IGSF9B: variants seen among roughly 807,000 people sequenced by gnomAD.
The protein encoded by IGSF9B is immunoglobulin superfamily member 9B.
A neutral mutation model predicts 143.7 loss-of-function variants in IGSF9B; 48 were observed. The observed-to-expected ratio is 0.33, with a 90% CI of 0.26 to 0.42. The LOEUF (loss-of-function observed/expected upper bound fraction) is 0.42, where lower values mean the gene tolerates loss of function less well. Ranked by LOEUF, IGSF9B falls within the 20% of genes least tolerant of loss-of-function variation. The pLI, the probability that IGSF9B is intolerant of heterozygous loss-of-function variation, is 1.00. For synonymous variants in IGSF9B, 903 were observed against 833.1 expected (o/e 1.08, Z -1.44); for missense variants, 1,706 against 1,980.0 (o/e 0.86, Z 2.63).
chr11:133,915,508 A>T (rs2121276699), intron 18 of IGSF9B, among the ~76,000 whole-genome samples: 1 of 152,058 alleles, frequency 6.6e-6, no homozygotes, highest in East Asian at 1.9e-4. Flanking sequence ...TGGACTCAAG[A>T]GATCTGCCCT....
At position 133,925,977 on chromosome 11, in the gene IGSF9B, G is replaced by A. The variant is rs752936786; in HGVS notation, c.1808-12C>T. 8 of 1,558,356 alleles carry A rather than the reference G, an allele frequency of 5.1e-6. No individual in the cohort carries two copies. The highest frequency in any genetic ancestry group is 1.9e-5 in the Admixed American group (1 of 53,510). ...TGTAATAGGGAATGCTGCGGCGGGG[G>A]AAGGAGAAGAACCACAGCGCATCAG... On this transcript the variant is annotated splice_polypyrimidine_tract_variant and intron_variant, in intron 13 of 19. Coordinates refer to ENST00000533871, the MANE Select transcript of IGSF9B (RefSeq NM_001277285.4).
chr11:133,932,312 C>A, intron 7 of IGSF9B, 99 bp from the exon 8 acceptor site: 1 of 1,262,520 alleles, frequency 7.9e-7, no homozygotes, highest in Non-Finnish European at 1.1e-6. Context: ...CAGACAGACA[C>A]AGGGAAGCCA....
chr11:133,930,519 C>T (rs191993248), intron 11 of IGSF9B, among the ~76,000 whole-genome samples: 2 of 152,304 alleles, frequency 1.3e-5, no homozygotes, highest in East Asian at 1.9e-4. Flanking sequence ...TTCGGGCAAT[C>T]GGAAACGGGA....
chr11:133,925,880 G>A lies in IGSF9B; in HGVS notation c.1893C>T (p.Leu631=), dbSNP rs748439330. Residue 631 remains leucine, a synonymous_variant, in exon 14 of 20, where the codon CTC becomes CTT. Coordinates refer to ENST00000533871, the MANE Select transcript of IGSF9B (RefSeq NM_001277285.4). ...LIANRTQQGV[L]LSWLPPANHS... is the part of the protein sequence containing the mutation. Reference sequence around the variant, plus strand: ...GGTTGGCAGGCGGAAGCCAGGACAGGAGCACACCCTGCTGAGTCCGATTGG... The same window carrying A: ...GGTTGGCAGGCGGAAGCCAGGACAGAAGCACACCCTGCTGAGTCCGATTGG... The A allele has an allele frequency of 1.2e-6, 2 of 1,613,166 alleles. No individual in the cohort carries two copies. The highest frequency in any genetic ancestry group is 2.7e-5 in the African/African-American group (2 of 74,938).
Position 133,919,743 on chromosome 11 carries a change from C to G in IGSF9B, c.3982G>C (p.Gly1328Arg). Residue 1328 changes from glycine to arginine, a missense_variant and splice_region_variant, in exon 18 of 20, where the codon GGA (glycine) becomes CGA (arginine). Coordinates refer to ENST00000533871, the MANE Select transcript of IGSF9B (RefSeq NM_001277285.4). ...TGGCGGAAGAGGCGGCGCACTCACC[C>G]TGAAGTAGGTAACGTGGGTGGTGGG... ...ETPPPTLPTS[G>R]TLPPAPGNAA... 1 of 1,451,598 alleles carries G rather than the reference C, an allele frequency of 6.9e-7. No individual in the cohort carries two copies. Among genetic ancestry groups the G allele is most frequent in the Non-Finnish European group, 9.1e-7 (1 of 1,098,482 alleles). 89.9% of individuals were successfully genotyped at this position (1,451,598 alleles called of 1,614,324 possible).
At position 133,956,826 on chromosome 11, in the gene IGSF9B, G is replaced by C. The variant is rs375569334; in HGVS notation, c.-72C>G. ...CCGCGCCCGCACGCGCCTCGCGCCC[G>C]AGCGCCCGCCTCGCGCCCGCCTCGC... On this transcript the variant is annotated 5_prime_UTR_variant, in exon 1 of 20. Transcript: ENST00000533871. The C allele has an allele frequency of 1.0e-6, 1 of 993,392 alleles. No individual in the cohort carries two copies. Among genetic ancestry groups the C allele is most frequent in the Non-Finnish European group, 1.4e-6 (1 of 740,500 alleles). The allele number at this position is 993,392 out of a possible 1,614,324, so 61.5% of individuals were successfully genotyped here. A position where few individuals can be genotyped will look rare whatever the true frequency, so the allele number is the denominator to read the frequency against.
intron 18 of IGSF9B, chr11:133,919,118 C>CGGG (rs59914981): frequency 0.072 from 4,919 of 67,988 alleles, 274 homozygotes; most frequent in East Asian, 0.096. Context: ...GCGAGGTATA[C>CGGG]GGGGGGGGGG....
In IGSF9B at chr11:133,903,865, G is replaced by GT. The variant is rs1939176060; in HGVS notation, c.*5203dup. Among the ~76,000 whole-genome samples, 2 of 152,280 alleles carry GT rather than the reference G, an allele frequency of 1.3e-5. No homozygotes were observed. The highest frequency in any genetic ancestry group is 1.3e-4 in the Admixed American group (2 of 15,298). ...GTACCCCTAGCCAAACAGCAAGCTG[G>GT]TAAGAGTGCGAAAGTCCAATCTGGG... On this transcript the variant is annotated 3_prime_UTR_variant, in exon 20 of 20. Coordinates refer to ENST00000533871, the MANE Select transcript of IGSF9B (RefSeq NM_001277285.4).
intron 1 of IGSF9B, among the ~76,000 whole-genome samples, chr11:133,955,838 GA>G (rs990844192): frequency 7.2e-5 from 11 of 152,202 alleles, no homozygotes; most frequent in Admixed American, 7.2e-4. Flanking sequence ...CAGGAAAGCG[GA>G]AAGAGAAAAT....
chr11:133,947,019 G>A (rs1283774274), intron 1 of IGSF9B, among the ~76,000 whole-genome samples: 8 of 152,236 alleles, frequency 5.3e-5, no homozygotes, highest in Admixed American at 5.2e-4. Context: ...GGCGACAGAG[G>A]AGGGAGATCC....
At position 133,935,714 on chromosome 11, in the gene IGSF9B, G is replaced by A. The variant is rs757861024; in HGVS notation, c.870C>T (p.Ile290=). The part of the protein sequence containing the change: ...VRILIDGTLI[I]FRVKPEDSGK... ...CCGAGTCCTCCGGCTTCACCCGGAA[G>A]ATGATCAGGGTCCCATCGATTAGGA... Residue 290 remains isoleucine (I), a synonymous_variant, in exon 7 of 20, where the codon ATC becomes ATT. Transcript: ENST00000533871. 27 of 1,611,428 alleles carry A rather than the reference G, an allele frequency of 1.7e-5. No homozygotes were observed. The African/African-American group carries it at 3.6e-4, about 22-fold the overall frequency.
rs1458706009 is a variant in IGSF9B, at chr11:133,902,158, CCACACACACCAAACA to C, written c.*6896_*6910del. On this transcript the variant is annotated 3_prime_UTR_variant, in exon 20 of 20. Transcript: ENST00000533871. ...TACCACACCAAACACACCAGACACA[CCACACACACCAAACA>C]CACACACACCAAACACACCAGACAC... 6.7e-5 allele frequency among the ~76,000 whole-genome samples: 10 copies of C among 149,138 alleles called. No homozygotes were observed. The highest frequency in any genetic ancestry group is 2.2e-4 in the South Asian group (1 of 4,644).
chr11:133,919,682 G>C (rs1019603028), intron 18 of IGSF9B, 60 bp downstream of exon 18: 60 of 1,108,766 alleles, frequency 5.4e-5, no homozygotes, highest in Non-Finnish European at 7.3e-5. Context: ...AGGGCAGGGC[G>C]AGGCGGGTGG....
chr11:133,911,867 G>A lies in IGSF9B; in HGVS notation c.4105+19C>T, dbSNP rs1330687768. The A allele has an allele frequency of 2.0e-6, 3 of 1,515,382 alleles. No individual in the cohort carries two copies. The South Asian group carries it at 3.8e-5, about 19-fold the overall frequency. The allele number at this position is 1,515,382 out of a possible 1,614,324, so 93.9% of individuals were successfully genotyped here. On this transcript the variant is annotated intron_variant, in intron 19 of 19. Transcript: ENST00000533871. ...AGGCAAGGTGGGAGGAGCGGGGCGG[G>A]CCACTGCCCATCATTTACCGGATCG... is the stretch of plus-strand genomic sequence containing the variant.
intron 14 of IGSF9B, among the ~76,000 whole-genome samples, chr11:133,925,386 T>C (rs1939605429): frequency 6.6e-6 from 1 of 152,206 alleles, no homozygotes; most frequent in South Asian, 2.1e-4. Flanking sequence ...AAGAGAATTC[T>C]TCTTGGAACT....
chr11:133,951,210 G>T (rs1940151897), intron 1 of IGSF9B, among the ~76,000 whole-genome samples: 1 of 152,206 alleles, frequency 6.6e-6, no homozygotes, highest in Non-Finnish European at 1.5e-5. Flanking sequence ...CGCCGACGGT[G>T]TCCTGTTCTC....
intron 18 of IGSF9B, 27 bp downstream of exon 18, chr11:133,919,715 G>A (rs750628953): frequency 3.0e-6 from 4 of 1,334,728 alleles, no homozygotes; most frequent in Non-Finnish European, 2.9e-6. Context: ...GCCCAGGTGC[G>A]GGTGGCGGAA....
chr11:133,945,469 C>T lies in IGSF9B; in HGVS notation c.262+592G>A, dbSNP rs59177972. Among the ~76,000 whole-genome samples, 13,251 of 152,220 alleles carry T rather than the reference C, an allele frequency of 0.087. 1,938 individuals are homozygous for T. The highest frequency in any genetic ancestry group is 0.3 in the African/African-American group (12,434 of 41,508). ...ACGCTCGCTCAATGACACGCACACG[C>T]ACGCACACACACACCCACGCCCTCC... On this transcript the variant is annotated intron_variant, in intron 2 of 19. Transcript: ENST00000533871. The surrounding 1 kb of genome is among the most constrained non-coding windows in gnomAD (Gnocchi z 4.6).
rs1296041038 is a variant in IGSF9B at position 133,907,108 on chromosome 11, C to T, written c.*1961G>A. ...GCCCAGGTTCCACCCCAAGGGTGCA[C>T]GGCCCAGTCTCAGAAGCCCCTGCGT... On this transcript the variant is annotated 3_prime_UTR_variant, in exon 20 of 20. Coordinates refer to ENST00000533871, the MANE Select transcript of IGSF9B (RefSeq NM_001277285.4). 1.3e-5 allele frequency among the ~76,000 whole-genome samples: 2 copies of T among 152,166 alleles called. No individual in the cohort carries two copies. The highest frequency in any genetic ancestry group is 2.4e-5 in the African/African-American group (1 of 41,446).
Sources: gnomAD v4.1 joint callset for allele counts (sites outside exome capture counted in the v4.1 genomes callset) on GRCh38, gnomAD v4.1.1 for gene constraint, Gnocchi (gnomAD v3.1) non-coding constraint, MANE v1.5 for transcripts, NCBI Gene and HGNC (gene_info 2026-07-23, HGNC 2026-07-21) for gene names.